Variants in GLP2R observed in about 807,000 individuals in gnomAD.
The protein encoded by GLP2R is glucagon-like peptide 2 receptor.
In GLP2R, 59 loss-of-function variants were observed where a neutral mutation model predicts 68.2. That is an observed-to-expected ratio of 0.87 (90% confidence interval 0.70 to 1.07). The LOEUF is 1.07. GLP2R is among the 50% of genes least tolerant of loss of function. GLP2R has a pLI of 0.00. For missense variants in GLP2R, 548 were observed against 677.4 expected, an observed-to-expected ratio of 0.81 and a Z score of 2.12; for synonymous variants, 270 against 265.4, an observed-to-expected ratio of 1.02 and a Z score of -0.17.
intron 1 of GLP2R, among the ~76,000 whole-genome samples, chr17:9,827,224 G>A (rs2066640617): frequency 6.6e-6 from 1 of 151,654 alleles, no homozygotes. Flanking sequence ...ATATTATTTT[G>A]TAATCTGCTT....
chr17:9,854,350 G>A, intron 4 of GLP2R, 145 bp from the exon 5 acceptor site: 2 of 672,118 alleles, frequency 3.0e-6, no homozygotes, highest in East Asian at 2.6e-5. Context: ...ACCCTATTTG[G>A]GTGTCAACAA....
At chr17:9,875,093 C>T (rs1044730388) in intron 10 of GLP2R, among the ~76,000 whole-genome samples, 1 of 152,300 alleles carries the variant, frequency 6.6e-6, no homozygotes, top group African/African-American at 2.4e-5. Context: ...AGGCAGGGAC[C>T]TATCTCTCAG....
intron 9 of GLP2R, among the ~76,000 whole-genome samples, chr17:9,870,096 A>G (rs574616467): frequency 3.9e-5 from 6 of 152,320 alleles, no homozygotes; most frequent in Admixed American, 1.3e-4. Flanking sequence ...AGTTCTTTAC[A>G]GAAGAGAGGC....
chr17:9,847,786 C>T (rs1339011131), intron 4 of GLP2R, among the ~76,000 whole-genome samples: 4 of 152,098 alleles, frequency 2.6e-5, no homozygotes, highest in African/African-American at 9.7e-5. Flanking sequence ...CTAACAGGAG[C>T]CATCTGGTTC....
In GLP2R at chr17:9,859,456, A is replaced by G. The variant is rs2066964222; in HGVS notation, c.766-486A>G. ...CCTTCATATTTTGATATTATTGCCA[A>G]CCTCCCTGAGATGGTCAGCAAAGGT... On this transcript the variant is annotated intron_variant, in intron 6 of 12. Transcript: ENST00000262441. Among the ~76,000 whole-genome samples the G allele has an allele frequency of 2.0e-5, 3 of 151,614 alleles. No homozygotes were observed. In the South Asian group the frequency reaches 6.3e-4, roughly 32 times the overall value.
intron 4 of GLP2R, among the ~76,000 whole-genome samples, chr17:9,847,658 T>A (rs1416072794): frequency 6.6e-6 from 1 of 152,188 alleles, no homozygotes; most frequent in African/African-American, 2.4e-5. Flanking sequence ...ACCGTACCAC[T>A]GGGTCTACCA....
rs1357761205 is a variant in GLP2R, at chr17:9,891,336, T to A, written c.*1631T>A. ...TCATCTCTAAAAAGCTCAAAGTAAA[T>A]GATCAAAATAAATCATATTTTAATG... On this transcript the variant is annotated 3_prime_UTR_variant, in exon 13 of 13. Coordinates refer to ENST00000262441, the MANE Select transcript of GLP2R (RefSeq NM_004246.3). 1 of 152,170 alleles carries A rather than the reference T, an allele frequency of 6.6e-6. No homozygotes were observed. The highest frequency in any genetic ancestry group is 2.4e-5 in the African/African-American group (1 of 41,438). The allele number at this position is 152,170 out of a possible 1,614,324, so 9.4% of individuals were successfully genotyped here.
chr17:9,839,740 C>G (rs1445931876), intron 3 of GLP2R, among the ~76,000 whole-genome samples: 1 of 152,200 alleles, frequency 6.6e-6, no homozygotes, highest in African/African-American at 2.4e-5. Flanking sequence ...CTCTCCCCCA[C>G]GTTCAGGGTT....
chr17:9,885,321 C>G (rs111761512), intron 11 of GLP2R, among the ~76,000 whole-genome samples: 3,344 of 151,992 alleles, frequency 0.022, 141 homozygotes, highest in African/African-American at 0.077. Flanking sequence ...TCCCGAGTAG[C>G]TGGGATTGCA....
Position 9,826,198 on chromosome 17 carries a change from C to T in GLP2R, c.135C>T (p.Leu45=). ...SPLSFHRKCS[L]WAPGRPFLTL... is the part of the protein sequence containing the mutation. The stretch of plus-strand genomic sequence containing the variant: ...TCTCCTTCCACAGGAAGTGCTCTCT[C>T]TGGGCCCCTGGGAGGCCCTTCCTCA... Residue 45 remains leucine (L), a synonymous_variant, in exon 1 of 13, where the codon CTC becomes CTT. Transcript: ENST00000262441. 1 of 1,613,288 alleles carries T rather than the reference C, an allele frequency of 6.2e-7. No homozygotes were observed. The highest frequency in any genetic ancestry group is 1.1e-5 in the South Asian group (1 of 90,924).
chr17:9,874,110 G>A (rs972005875), intron 10 of GLP2R, among the ~76,000 whole-genome samples: 8 of 152,082 alleles, frequency 5.3e-5, no homozygotes, highest in African/African-American at 1.7e-4. Context: ...TATATACAAT[G>A]CCTATTATCC....
At chr17:9,888,521 C>T (rs2067263241) in intron 12 of GLP2R, among the ~76,000 whole-genome samples, 1 of 152,134 alleles carries the variant, frequency 6.6e-6, no homozygotes, top group African/African-American at 2.4e-5. Context: ...GGCTGGAATG[C>T]AGTGGCATGA....
chr17:9,835,174 G>A (rs561694084), intron 2 of GLP2R, among the ~76,000 whole-genome samples: 18 of 151,896 alleles, frequency 1.2e-4, no homozygotes, highest in African/African-American at 1.9e-4. Flanking sequence ...GATTACAGGC[G>A]CCCGCCACCA....
rs139589868 is a variant in GLP2R at position 9,890,473 on chromosome 17, A to G, written c.*768A>G. ...CCCTGCACAGCAGGAGTTCTGCTTG[A>G]TCCTCCCTTTGAGGATTGGCCCCAG... On this transcript the variant is annotated 3_prime_UTR_variant, in exon 13 of 13. Transcript: ENST00000262441. The G allele has an allele frequency of 9.1e-4, 146 of 160,352 alleles. No homozygotes were observed. Among genetic ancestry groups the G allele is most frequent in the Middle Eastern group, 3.0e-3 (1 of 328 alleles). The allele number at this position is 160,352 out of a possible 1,614,324, so 9.9% of individuals were successfully genotyped here. A position where few individuals can be genotyped will look rare whatever the true frequency, so the allele number is the denominator to read the frequency against.
intron 9 of GLP2R, chr17:9,865,758 C>T (rs2152041889): frequency 2.1e-6 from 1 of 467,896 alleles, no homozygotes; most frequent in Admixed American, 2.4e-5. Flanking sequence ...ACAGGCATGC[C>T]TAGAAGGGAA....
chr17:9,860,980 A>G (rs1343917217), intron 7 of GLP2R, among the ~76,000 whole-genome samples, 159 bp from the exon 8 acceptor site: 1 of 152,172 alleles, frequency 6.6e-6, no homozygotes, highest in Non-Finnish European at 1.5e-5. Flanking sequence ...TGGATGGGCC[A>G]TGTGCCACCC....
At position 9,889,468 on chromosome 17, in the gene GLP2R, A is replaced by T; in HGVS notation, c.1425A>T (p.Gly475=). ...CVLGKDFRFL[G]KCPKKLSEGD... The stretch of plus-strand genomic sequence containing the variant: ...TGGGGAAGGACTTCCGGTTCCTAGG[A>T]AAATGTCCCAAGAAGCTCTCGGAAG... Residue 475 remains glycine (G), a synonymous_variant, in exon 13 of 13, where the codon GGA becomes GGT. Transcript: ENST00000262441. 1 of 1,614,008 alleles carries T rather than the reference A, an allele frequency of 6.2e-7. No homozygotes were observed. Among genetic ancestry groups the T allele is most frequent in the African/African-American group, 1.3e-5 (1 of 75,040 alleles).
chr17:9,849,703 C>T (rs548264597), intron 4 of GLP2R, among the ~76,000 whole-genome samples: 118 of 147,318 alleles, frequency 8.0e-4, no homozygotes, highest in African/African-American at 2.8e-3. Flanking sequence ...AGCTCCGCCT[C>T]CTGGGTTCAC....
rs143459123 is a variant in GLP2R, at chr17:9,866,386, T to A, written c.1056+4296T>A. ...TAGGAGGAGAATGTTGCTACTGGCA[T>A]CTAGTGGGTGGAGGTCAGGGATGCT... On this transcript the variant is annotated intron_variant, in intron 9 of 12. Coordinates refer to ENST00000262441, the MANE Select transcript of GLP2R (RefSeq NM_004246.3). 565 of 165,300 alleles carry A rather than the reference T, an allele frequency of 3.4e-3. 6 individuals are homozygous for A. The highest frequency in any genetic ancestry group is 0.013 in the African/African-American group (549 of 41,708). 10.2% of individuals were successfully genotyped at this position (165,300 alleles called of 1,614,324 possible). A position where few individuals can be genotyped will look rare whatever the true frequency, so the allele number is the denominator to read the frequency against.
Sources: gnomAD v4.1 joint callset for allele counts (sites outside exome capture counted in the v4.1 genomes callset) on GRCh38, gnomAD v4.1.1 for gene constraint, MANE v1.5 for transcripts, NCBI Gene and HGNC (gene_info 2026-07-23, HGNC 2026-07-21) for gene names.